The following ARHGAP23 variants were observed in gnomAD, a reference collection of about 807,000 sequenced individuals.
The protein encoded by ARHGAP23 is rho GTPase-activating protein 23.
Under a neutral mutation model 136.3 loss-of-function variants are expected in ARHGAP23, and 34 were observed. The ratio of observed to expected loss-of-function variants is 0.25; its 90% CI spans 0.19 to 0.33. ARHGAP23 has a LOEUF of 0.33. ARHGAP23 is among the 10% of genes least tolerant of loss of function. The pLI, the probability that ARHGAP23 is intolerant of heterozygous loss-of-function variation, is 1.00. For missense variants in ARHGAP23, 1,808 were observed against 2,139.0 expected (o/e 0.85, Z 3.05); for synonymous variants, 832 against 920.5 (o/e 0.90, Z 1.74).
At chr17:38,453,456 TGTGTGCGC>T (rs775796297) in intron 1 of ARHGAP23, among the ~76,000 whole-genome samples, 2 of 113,348 alleles carry the variant, frequency 1.8e-5, no homozygotes, top group Admixed American at 8.7e-5. Context: ...TGTGTGTGTG[TGTGTGCGC>T]GCGCGCGCTG....
At chr17:38,496,045 G>A (rs748360713) in intron 20 of ARHGAP23, among the ~76,000 whole-genome samples, 6 of 151,944 alleles carry the variant, frequency 3.9e-5, no homozygotes, top group Non-Finnish European at 5.9e-5. Flanking sequence ...TTACAGGTGC[G>A]CACAACCATG....
At chr17:38,445,251 G>T (rs1043044671) in intron 1 of ARHGAP23, among the ~76,000 whole-genome samples, 12 of 147,282 alleles carry the variant, frequency 8.1e-5, no homozygotes, top group South Asian at 2.1e-4. Flanking sequence ...CAGATCACGA[G>T]ATCAGGAGAT....
At chr17:38,436,043 A>C (rs146335203) in intron 1 of ARHGAP23, among the ~76,000 whole-genome samples, 1 of 152,262 alleles carries the variant, frequency 6.6e-6, no homozygotes, top group African/African-American at 2.4e-5. Flanking sequence ...GGCATCACAG[A>C]GCTGAGCTTC....
At chr17:38,493,728 C>T (rs899691084) in intron 20 of ARHGAP23, among the ~76,000 whole-genome samples, 2 of 152,242 alleles carry the variant, frequency 1.3e-5, no homozygotes, top group Non-Finnish European at 2.9e-5. Context: ...GACCAGTCTT[C>T]AGGTCGGAAA....
Position 38,510,457 on chromosome 17 carries a change from C to A in ARHGAP23, c.3961C>A (p.Arg1321Ser). ...HLMPCDTLARRRLARGRPDGE... is the reference protein window; with the variant it reads ...HLMPCDTLARSRLARGRPDGE... ...CATGCCCTGCGACACTCTGGCGCGC[C>A]GCCGCCTGGCCCGGGGCCGCCCAGA... is the stretch of plus-strand genomic sequence containing the variant. Residue 1321 changes from arginine to serine, a missense_variant, in exon 24 of 24, where the codon CGC becomes AGC. Around this residue, in one of 7 missense-constraint regions of ARHGAP23, gnomAD observed 506 missense variants for 455.8 expected, o/e 1.11. Transcript: ENST00000622683. This position sits in a 1 kb window ranked among gnomAD's most constrained non-coding sequence, Gnocchi z 4.6. 2.5e-6 allele frequency: 3 copies of A among 1,209,056 alleles called. No homozygotes were observed. Among genetic ancestry groups the A allele is most frequent in the South Asian group, 4.1e-5 (1 of 24,214 alleles). 74.9% of individuals were successfully genotyped at this position (1,209,056 alleles called of 1,614,324 possible). A position where few individuals can be genotyped will look rare whatever the true frequency, so the allele number is the denominator to read the frequency against.
At chr17:38,490,592 C>T (rs760318166) in intron 19 of ARHGAP23, 41 bp downstream of exon 19, 51 of 1,441,640 alleles carry the variant, frequency 3.5e-5, no homozygotes, top group South Asian at 8.6e-5. Context: ...GAGGCAAGCA[C>T]GGACTTACTG....
At chr17:38,505,454 C>G (rs1232154686) in intron 23 of ARHGAP23, among the ~76,000 whole-genome samples, 1 of 152,116 alleles carries the variant, frequency 6.6e-6, no homozygotes, top group Non-Finnish European at 1.5e-5. Context: ...TAGCTCCTGA[C>G]CAGGCTCTGA....
chr17:38,431,325 C>T (rs2038681795), intron 1 of ARHGAP23, among the ~76,000 whole-genome samples: 1 of 152,210 alleles, frequency 6.6e-6, no homozygotes, highest in South Asian at 2.1e-4. Context: ...CTGGTGTTTT[C>T]CTTCCAAAGG....
rs1292672358 is a variant in ARHGAP23, at chr17:38,479,882, G to C, written c.2628G>C (p.Lys876Asn). The C allele has an allele frequency of 2.6e-6, 4 of 1,546,806 alleles. No homozygotes were observed. In the Admixed American group the frequency reaches 5.9e-5, roughly 23 times the overall value. ...LRTQDLPAGS[K>N]DDSAAAPKTP... ...CTCAGGACCTGCCCGCAGGGAGCAAGGGTAGGAAGGTGGCCACTGAGACAG... is the reference window on the plus strand; with the variant it reads ...CTCAGGACCTGCCCGCAGGGAGCAACGGTAGGAAGGTGGCCACTGAGACAG... The change falls in exon 14 of 24, where the codon AAG becomes AAC. Residue 876 changes from lysine (K) to asparagine (N), a missense_variant and splice_region_variant. Physicochemically the swap from Lys to Asn is moderately conservative, Grantham distance 94. Around this residue, in one of 7 missense-constraint regions of ARHGAP23, gnomAD observed 73 missense variants for 82.5 expected, o/e 0.88. Coordinates refer to ENST00000622683, the MANE Select transcript of ARHGAP23 (RefSeq NM_001199417.2).
chr17:38,484,288 A>G (rs774130120), intron 16 of ARHGAP23, among the ~76,000 whole-genome samples: 1 of 152,034 alleles, frequency 6.6e-6, no homozygotes, highest in Non-Finnish European at 1.5e-5. Context: ...GGCTGGTGGT[A>G]TCTTCCCTTG....
intron 23 of ARHGAP23, among the ~76,000 whole-genome samples, chr17:38,509,062 CA>C (rs1313824927): frequency 1.0e-5 from 1 of 95,804 alleles, no homozygotes; most frequent in Non-Finnish European, 2.1e-5. Flanking sequence ...GGGGGGCGGG[CA>C]AGAAGAACCT....
Position 38,510,783 on chromosome 17 carries a change from C to G in ARHGAP23, c.4287C>G (p.Gly1429=), listed in dbSNP as rs557734782. The G allele has an allele frequency of 3.1e-4, 469 of 1,495,224 alleles. No individual in the cohort carries two copies. Among genetic ancestry groups the G allele is most frequent in the Non-Finnish European group, 4.0e-4 (450 of 1,124,894 alleles). 92.6% of individuals were successfully genotyped at this position (1,495,224 alleles called of 1,614,324 possible). The stretch of plus-strand genomic sequence containing the variant: ...AGTGGAAGGAGCTGGGCGGAGGGGG[C>G]CCCCCGGAGCCTGCGGGCGCGCGGG... The part of the protein sequence containing the change: ...FNEWKELGGG[G]PPEPAGARAH... Residue 1429 remains glycine (G), a synonymous_variant, in exon 24 of 24, where the codon GGC becomes GGG. Coordinates refer to ENST00000622683, the MANE Select transcript of ARHGAP23 (RefSeq NM_001199417.2). The surrounding 1 kb of genome is among the most constrained non-coding windows in gnomAD (Gnocchi z 4.6).
intron 23 of ARHGAP23, among the ~76,000 whole-genome samples, chr17:38,502,255 G>A (rs1170609536): frequency 6.6e-6 from 1 of 152,194 alleles, no homozygotes; most frequent in Non-Finnish European, 1.5e-5. Context: ...GCAGTGAGCC[G>A]AGGTCGTGCC....
upstream of ARHGAP23, chr17:38,428,455 G>T: frequency 1.4e-6 from 2 of 1,413,318 alleles, no homozygotes; most frequent in Non-Finnish European, 1.9e-6. Context: ...CCCCAGCCGT[G>T]CCCCGGCCGC....
intron 21 of ARHGAP23, among the ~76,000 whole-genome samples, chr17:38,498,059 G>A (rs957642356): frequency 2.0e-5 from 3 of 147,270 alleles, no homozygotes; most frequent in African/African-American, 7.5e-5. Flanking sequence ...TATAGGCCTT[G>A]CTCAGAGGGA....
intron 1 of ARHGAP23, among the ~76,000 whole-genome samples, chr17:38,441,728 T>C (rs921827634): frequency 7.9e-5 from 12 of 151,910 alleles, no homozygotes; most frequent in Non-Finnish European, 1.3e-4. Flanking sequence ...AGGGTAAGGG[T>C]TGAGTCAAGG....
chr17:38,500,290 G>A, intron 22 of ARHGAP23: 2 of 448,290 alleles, frequency 4.5e-6, no homozygotes, highest in Non-Finnish European at 8.0e-6. Flanking sequence ...CGGGGAAGGG[G>A]AGAGGAACCA....
At chr17:38,461,661 A>G (rs931154816) in intron 3 of ARHGAP23, among the ~76,000 whole-genome samples, 2 of 152,046 alleles carry the variant, frequency 1.3e-5, no homozygotes, top group Non-Finnish European at 2.9e-5. Context: ...GTTGGGGTGC[A>G]ATGCGATTTG....
Position 38,462,928 on chromosome 17 carries a change from G to A in ARHGAP23, c.336G>A (p.Ala112=), listed in dbSNP as rs932113153. 7.1e-6 allele frequency: 11 copies of A among 1,541,848 alleles called. 1 individual carries two copies. Among genetic ancestry groups the A allele is most frequent in the South Asian group, 6.1e-5 (5 of 82,280 alleles). ...NVKEDGPAHR[A]GLRTGDRLVK... ...AGGAAGACGGCCCTGCCCATAGGGC[G>A]GGGCTTCGCACAGGTGAGCTGGCCC... Residue 112 remains alanine (A), a synonymous_variant, in exon 4 of 24, where the codon GCG becomes GCA. Coordinates refer to ENST00000622683, the MANE Select transcript of ARHGAP23 (RefSeq NM_001199417.2).
Sources: gnomAD v4.1 joint callset for allele counts (sites outside exome capture counted in the v4.1 genomes callset) on GRCh38, gnomAD v4.1.1 for gene constraint, gnomAD v4.1.1 regional missense constraint, Gnocchi (gnomAD v3.1) non-coding constraint, MANE v1.5 for transcripts, NCBI Gene and HGNC (gene_info 2026-07-23, HGNC 2026-07-21) for gene names.